Variants in WNT7B observed in about 807,000 individuals in gnomAD.
WNT7B encodes protein Wnt-7b.
In WNT7B, 19 loss-of-function variants were observed where a neutral mutation model predicts 38.2. That is an observed-to-expected ratio of 0.50 (90% confidence interval 0.35 to 0.73). The LOEUF (loss-of-function observed/expected upper bound fraction) is 0.73. Among genes scored for constraint, WNT7B ranks in the 30% least tolerant of loss-of-function variants. The pLI, the probability that WNT7B is intolerant of heterozygous loss-of-function variation, is 0.01. For missense variants in WNT7B, 423 were observed against 507.9 expected (o/e 0.83, Z 1.61); for synonymous variants, 243 against 209.3 (o/e 1.16, Z -1.39).
chr22:45,927,250 TGACA>T, intron 3 of WNT7B: 2 of 985,406 alleles, frequency 2.0e-6, no homozygotes, highest in Non-Finnish European at 2.4e-6. Flanking sequence ...GGGGCTGCTC[TGACA>T]GTTTTCCGCA....
In WNT7B at chr22:45,921,393, G is replaced by C. The variant is rs1930924397; in HGVS notation, c.*1463C>G. The C allele has an allele frequency of 6.6e-6, 1 of 152,414 alleles. No homozygotes were observed. Among genetic ancestry groups the C allele is most frequent in the African/African-American group, 2.4e-5 (1 of 41,470 alleles). The allele number at this position is 152,414 out of a possible 1,614,324, so 9.4% of individuals were successfully genotyped here. Reference sequence around the variant, plus strand: ...AGGCTGTCAGGGGGTGGAGGGAGCAGCCAAGTGCCTCAAGGCATGGGAGCT... The same window carrying C: ...AGGCTGTCAGGGGGTGGAGGGAGCACCCAAGTGCCTCAAGGCATGGGAGCT... On this transcript the variant is annotated 3_prime_UTR_variant, in exon 4 of 4. Transcript: ENST00000339464.
chr22:45,930,440 G>C (rs901188435), intron 3 of WNT7B, among the ~76,000 whole-genome samples: 18 of 152,240 alleles, frequency 1.2e-4, no homozygotes, highest in Admixed American at 8.5e-4. Context: ...CCCTATCTCA[G>C]GCCATCTTGC....
chr22:45,950,601 A>G (rs73446525), intron 1 of WNT7B, among the ~76,000 whole-genome samples: 15,788 of 152,202 alleles, frequency 0.1, 2,223 homozygotes, highest in African/African-American at 0.32. Context: ...TGGCCCCTCC[A>G]TGGCACCTGG....
At chr22:45,952,561 C>T (rs1326913603) in intron 1 of WNT7B, among the ~76,000 whole-genome samples, 1 of 152,262 alleles carries the variant, frequency 6.6e-6, no homozygotes, top group African/African-American at 2.4e-5. Context: ...GGAACCCTGC[C>T]GGGCACCCTG....
chr22:45,937,571 C>G (rs1021464500), intron 2 of WNT7B, among the ~76,000 whole-genome samples: 2 of 149,374 alleles, frequency 1.3e-5, no homozygotes, highest in African/African-American at 5.1e-5. Flanking sequence ...AGGTGTGCAC[C>G]TCAGCACGTG....
At position 45,975,662 on chromosome 22, in the gene WNT7B, CCT is replaced by C; in HGVS notation, c.71+1020_71+1021del. 2 of 696,786 alleles carry C rather than the reference CCT, an allele frequency of 2.9e-6. No individual in the cohort carries two copies. Among genetic ancestry groups the C allele is most frequent in the Admixed American group, 4.1e-5 (2 of 49,080 alleles). The allele number at this position is 696,786 out of a possible 1,614,324, so 43.2% of individuals were successfully genotyped here. ...CCCACCAGTGGTACCTGCACCTGCCCCTCCCGCGGGTCTGTTCACCGCCTTGC... is the reference window on the plus strand; with the variant it reads ...CCCACCAGTGGTACCTGCACCTGCCCCCCGCGGGTCTGTTCACCGCCTTGC... On this transcript the variant is annotated intron_variant, in intron 1 of 3. Transcript: ENST00000339464. This position sits in a 1 kb window ranked among gnomAD's most constrained non-coding sequence, Gnocchi z 6.6.
chr22:45,959,850 G>C (rs778521344), intron 1 of WNT7B, among the ~76,000 whole-genome samples: 181 of 152,224 alleles, frequency 1.2e-3, no homozygotes, highest in African/African-American at 3.7e-3. Context: ...AGCTCTCCGT[G>C]GGGGAGACAC....
intron 2 of WNT7B, among the ~76,000 whole-genome samples, chr22:45,934,739 TCAGTTACTCAC>T (rs1931468800): frequency 6.6e-6 from 1 of 152,322 alleles, no homozygotes; most frequent in South Asian, 2.1e-4. Flanking sequence ...AGGCTCAGAC[TCAGTTACTCAC>T]CGGTTACTCA....
intron 2 of WNT7B, among the ~76,000 whole-genome samples, chr22:45,935,347 C>T (rs940741399): frequency 3.9e-5 from 6 of 152,362 alleles, no homozygotes; most frequent in Middle Eastern, 3.4e-3. Flanking sequence ...CACCGCTCCT[C>T]GCCCACCACT....
Position 45,949,927 on chromosome 22 carries a change from G to A in WNT7B, c.291C>T (p.Leu97=). 2 of 1,607,750 alleles carry A rather than the reference G, an allele frequency of 1.2e-6. No individual in the cohort carries two copies. Among genetic ancestry groups the A allele is most frequent in the South Asian group, 2.2e-5 (2 of 91,018 alleles). The change falls in exon 2 of 4, where the codon CTC becomes CTT. Residue 97 remains leucine (L), a synonymous_variant. Transcript: ENST00000339464. The part of the protein sequence containing the change: ...LGEKTVFGQE[L]RVGSREAAFT... ...GCCCAGAGGCGCCCTTACCTACTCG[G>A]AGCTCTTGCCCGAAGACGGTCTTCT...
intron 3 of WNT7B, chr22:45,927,301 GC>G (rs920351820): frequency 1.0e-6 from 1 of 985,306 alleles, no homozygotes. Context: ...GGTCACCCCC[GC>G]CCCCCAGGGA....
chr22:45,968,089 T>C (rs949029345), intron 1 of WNT7B, among the ~76,000 whole-genome samples: 1 of 152,186 alleles, frequency 6.6e-6, no homozygotes, highest in African/African-American at 2.4e-5. Context: ...TGAGCCTCCC[T>C]GGAGGGGAAC....
chr22:45,928,335 G>A (rs1006451705), intron 3 of WNT7B, among the ~76,000 whole-genome samples: 11 of 152,170 alleles, frequency 7.2e-5, no homozygotes, highest in East Asian at 3.9e-4. Flanking sequence ...TCCCACTGCC[G>A]TGATGCCACC....
intron 3 of WNT7B, chr22:45,925,413 A>T (rs1160595666): frequency 2.0e-6 from 2 of 985,174 alleles, no homozygotes; most frequent in African/African-American, 3.5e-5. Context: ...CCCTCCCAGG[A>T]TGGCAGAGGG....
At chr22:45,972,116 G>GGGGGGCCCCCCCCCCCCCCCCCC in intron 1 of WNT7B, 8 of 530,732 alleles carry the variant, frequency 1.5e-5, no homozygotes, top group Admixed American at 4.1e-5. Flanking sequence ...CCCGGGGGGA[G>GGGGGGCCCCCCCCCCCCCCCCCC]CCCACCCGCC....
intron 2 of WNT7B, chr22:45,935,757 A>G: frequency 1.1e-6 from 1 of 940,982 alleles, no homozygotes; most frequent in Non-Finnish European, 1.3e-6. Flanking sequence ...TTCTGATCAG[A>G]CCCATTTCAC....
chr22:45,922,001 T>G lies in WNT7B; in HGVS notation c.*855A>C, dbSNP rs1213497259. On this transcript the variant is annotated 3_prime_UTR_variant, in exon 4 of 4. Coordinates refer to ENST00000339464, the MANE Select transcript of WNT7B (RefSeq NM_058238.3). Reference sequence around the variant, plus strand: ...GTCTCGAACTCCTGACCTCAGGTGATCCACCTGCCTCGGTCTCCCAAAGTG... The same window carrying G: ...GTCTCGAACTCCTGACCTCAGGTGAGCCACCTGCCTCGGTCTCCCAAAGTG... The G allele has an allele frequency of 6.6e-6, 1 of 152,130 alleles. No homozygotes were observed. Among genetic ancestry groups the G allele is most frequent in the Non-Finnish European group, 1.5e-5 (1 of 68,020 alleles). 9.4% of individuals were successfully genotyped at this position (152,130 alleles called of 1,614,324 possible).
rs1932553588 is a variant in WNT7B at position 45,976,460 on chromosome 22, G to T, written c.71+224C>A. ...CCCGGCCGGACCGCCCGCGCGCCCC[G>T]CTCTCTCTCCTCCCGCGCTGGGCTC... On this transcript the variant is annotated intron_variant, in intron 1 of 3. Transcript: ENST00000339464. This position sits in a 1 kb window ranked among gnomAD's most constrained non-coding sequence, Gnocchi z 8.5. Among the ~76,000 whole-genome samples the T allele has an allele frequency of 6.6e-6, 1 of 151,896 alleles. No individual in the cohort carries two copies. The highest frequency in any genetic ancestry group is 6.5e-5 in the Admixed American group (1 of 15,280).
At chr22:45,936,946 G>A (rs974930792) in intron 2 of WNT7B, among the ~76,000 whole-genome samples, 6 of 152,336 alleles carry the variant, frequency 3.9e-5, no homozygotes, top group African/African-American at 1.4e-4. Flanking sequence ...ATCCACTCAA[G>A]CTCCCTGCCA....
Sources: gnomAD v4.1 joint callset for allele counts (sites outside exome capture counted in the v4.1 genomes callset) on GRCh38, gnomAD v4.1.1 for gene constraint, Gnocchi (gnomAD v3.1) non-coding constraint, MANE v1.5 for transcripts, NCBI Gene and HGNC (gene_info 2026-07-23, HGNC 2026-07-21) for gene names.